LAMA1: variants seen among roughly 807,000 people sequenced by gnomAD.
The protein encoded by LAMA1 is laminin subunit alpha 1.
LAMA1 carries 219 observed loss-of-function variants against 348.7 expected under a neutral mutation model. That is an observed-to-expected ratio of 0.63 (90% CI 0.56 to 0.70). The LOEUF is 0.70. LAMA1 is among the 30% of genes least tolerant of loss of function. The pLI, the probability that LAMA1 is intolerant of heterozygous loss-of-function variation, is 0.00. For synonymous variants in LAMA1, 1,487 were observed against 1,491.0 expected (o/e 1.00, Z 0.06); for missense variants, 3,744 against 3,888.0 (o/e 0.96, Z 0.99).
intron 17 of LAMA1, 29 bp downstream of exon 17, chr18:7,025,950 A>G: frequency 6.3e-7 from 1 of 1,594,146 alleles, no homozygotes; most frequent in Non-Finnish European, 8.5e-7. Context: ...CCATGCTGGC[A>G]GGAACCGCTG....
chr18:7,044,394 A>G (rs1458733799), intron 7 of LAMA1, among the ~76,000 whole-genome samples: 3 of 152,158 alleles, frequency 2.0e-5, no homozygotes, highest in Non-Finnish European at 4.4e-5. Context: ...GAATCTTGTG[A>G]ATATATTGCT....
intron 16 of LAMA1, among the ~76,000 whole-genome samples, chr18:7,029,944 G>C (rs1449621014): frequency 6.7e-6 from 1 of 150,164 alleles, no homozygotes; most frequent in Non-Finnish European, 1.5e-5. Context: ...CTACACAAAA[G>C]GAAGAATTCA....
intron 1 of LAMA1, among the ~76,000 whole-genome samples, chr18:7,098,006 C>T (rs2058269616): frequency 6.7e-6 from 1 of 149,950 alleles, no homozygotes; most frequent in Non-Finnish European, 1.5e-5. Context: ...ATTGCAGGCT[C>T]GCGCCGCCAC....
At chr18:7,109,780 G>A (rs879508564) in intron 1 of LAMA1, among the ~76,000 whole-genome samples, 3 of 143,444 alleles carry the variant, frequency 2.1e-5, no homozygotes, top group African/African-American at 5.4e-5. Context: ...CAGGTGGGCA[G>A]GAGCAGAGGG....
rs769949964 is a variant in LAMA1, at chr18:7,012,052, G to A, written c.3450C>T (p.Cys1150=). ...AGAGGTGGGACAGCCCGGAGCAGAAGCACGGGCTGCAGCCCAGGGGGTTGT... is the reference window on the plus strand; with the variant it reads ...AGAGGTGGGACAGCCCGGAGCAGAAACACGGGCTGCAGCCCAGGGGGTTGT... ...RADNPLGCSP[C]FCSGLSHLCS... is the part of the protein sequence containing the mutation. Residue 1150 remains cysteine, a synonymous_variant, in exon 24 of 63, where the codon TGC becomes TGT. Transcript: ENST00000389658. 5 of 1,612,094 alleles carry A rather than the reference G, an allele frequency of 3.1e-6. No homozygotes were observed. The highest frequency in any genetic ancestry group is 4.2e-6 in the Non-Finnish European group (5 of 1,178,998).
intron 33 of LAMA1, among the ~76,000 whole-genome samples, chr18:6,996,098 G>A (rs1041043826): frequency 1.3e-5 from 2 of 152,072 alleles, no homozygotes; most frequent in Non-Finnish European, 2.9e-5. Context: ...TACTGATCGT[G>A]TATATAGTGA....
At chr18:7,046,048 G>T (rs1169646821) in intron 6 of LAMA1, among the ~76,000 whole-genome samples, 3 of 151,560 alleles carry the variant, frequency 2.0e-5, no homozygotes, top group African/African-American at 7.3e-5. Context: ...TTATGTTAGG[G>T]ATATTTTATC....
chr18:7,111,989 A>C (rs2143837797), intron 1 of LAMA1, among the ~76,000 whole-genome samples: 1 of 152,326 alleles, frequency 6.6e-6, no homozygotes, highest in Non-Finnish European at 1.5e-5. Flanking sequence ...ATTGGTCAAT[A>C]CATTAACTTA....
chr18:7,107,711 C>A (rs144744709), intron 1 of LAMA1, among the ~76,000 whole-genome samples: 142 of 152,280 alleles, frequency 9.3e-4, no homozygotes, highest in Non-Finnish European at 1.3e-3. Flanking sequence ...ATTCTCCTCT[C>A]CAATGAGGTG....
intron 1 of LAMA1, among the ~76,000 whole-genome samples, chr18:7,085,625 A>C (rs547263333): frequency 2.6e-5 from 4 of 151,846 alleles, no homozygotes; most frequent in Non-Finnish European, 5.9e-5. Context: ...TCACCACGTT[A>C]GCCAGGATGG....
At chr18:7,013,776 C>A in intron 23 of LAMA1, 39 bp downstream of exon 23, 1 of 1,595,334 alleles carries the variant, frequency 6.3e-7, no homozygotes, top group Non-Finnish European at 8.6e-7. Context: ...TGATGAGGAG[C>A]CAGAGACAGG....
rs141851670 is a variant in LAMA1 at position 7,016,580 on chromosome 18, C to T, written c.2900G>A (p.Gly967Asp). The T allele has an allele frequency of 2.3e-3, 3,785 of 1,614,216 alleles. 7 individuals carry two copies. The highest frequency in any genetic ancestry group is 3.0e-3 in the Non-Finnish European group (3,488 of 1,180,040). ...CACACCTGGGACACAGTGACACTGG[C>T]CTTCATCCGTGCAGCCATCTGACAC... is the stretch of plus-strand genomic sequence containing the variant. Reference protein sequence around the residue: ...GSVSDGCTDEGQCHCVPGVAG... With the variant: ...GSVSDGCTDEDQCHCVPGVAG... The change falls in exon 21 of 63, where the codon GGC becomes GAC. Residue 967 changes from glycine to aspartate, a missense_variant. Coordinates refer to ENST00000389658, the MANE Select transcript of LAMA1 (RefSeq NM_005559.4).
At chr18:6,965,925 GTTC>G (rs754605732) in intron 49 of LAMA1, 8 of 557,672 alleles carry the variant, frequency 1.4e-5, no homozygotes, top group South Asian at 1.4e-4. Flanking sequence ...TCTACTTGGT[GTTC>G]TTCTATATTT....
In LAMA1 at chr18:7,080,477, A is replaced by G. The variant is rs2143783382; in HGVS notation, c.62-20T>C. On this transcript the variant is annotated intron_variant, in intron 1 of 62. Coordinates refer to ENST00000389658, the MANE Select transcript of LAMA1 (RefSeq NM_005559.4). ...ACAGGCCTGAAAGTGAAAATTTACCAAATCAGCTGAGCCACTTGAAATCCA... is the reference window on the plus strand; with the variant it reads ...ACAGGCCTGAAAGTGAAAATTTACCGAATCAGCTGAGCCACTTGAAATCCA... 1 of 1,613,034 alleles carries G rather than the reference A, an allele frequency of 6.2e-7. No individual in the cohort carries two copies.
chr18:7,012,180 G>A, intron 23 of LAMA1, 42 bp from the exon 24 acceptor site: 1 of 1,603,010 alleles, frequency 6.2e-7, no homozygotes, highest in South Asian at 1.1e-5. Flanking sequence ...GCCTAAAAAA[G>A]AGATGTGATT....
chr18:7,027,922 A>G (rs1227407036), intron 16 of LAMA1, among the ~76,000 whole-genome samples: 2 of 152,158 alleles, frequency 1.3e-5, no homozygotes, highest in Admixed American at 1.3e-4. Flanking sequence ...CAGCCTGGGC[A>G]ACAGAGAGAG....
intron 3 of LAMA1, among the ~76,000 whole-genome samples, chr18:7,077,090 C>A (rs1223123696): frequency 6.6e-6 from 1 of 151,660 alleles, no homozygotes; most frequent in East Asian, 1.9e-4. Flanking sequence ...AAAGAAATTT[C>A]TGAATACTAA....
At chr18:6,993,450 AT>A (rs909507495) in intron 35 of LAMA1, among the ~76,000 whole-genome samples, 190 bp downstream of exon 35, 2 of 152,144 alleles carry the variant, frequency 1.3e-5, no homozygotes, top group African/African-American at 2.4e-5. Context: ...AGAAATATGC[AT>A]TTTTTTAAAG....
At position 7,080,199 on chromosome 18, in the gene LAMA1, T is replaced by C. The variant is rs2058187289; in HGVS notation, c.232+88A>G. 2.5e-6 allele frequency: 4 copies of C among 1,594,910 alleles called. 1 individual carries two copies. Among genetic ancestry groups the C allele is most frequent in the South Asian group, 2.2e-5 (2 of 90,562 alleles). On this transcript the variant is annotated intron_variant, in intron 2 of 62. Coordinates refer to ENST00000389658, the MANE Select transcript of LAMA1 (RefSeq NM_005559.4). ...AAGAGCAGTGAAGGTGAACACAATG[T>C]TTATGGCTTCCTAACAGAAGTCTCA...
Sources: allele counts gnomAD v4.1 joint callset (sites outside exome capture counted in the v4.1 genomes callset), GRCh38; gene constraint gnomAD v4.1.1; transcripts MANE v1.5; gene names NCBI Gene and HGNC (gene_info 2026-07-23, HGNC 2026-07-21).